FAF1: variants seen among roughly 807,000 people sequenced by gnomAD.
The protein encoded by FAF1 is FAS-associated factor 1.
Under a neutral mutation model 92.5 loss-of-function variants are expected in FAF1, and 25 were observed. The observed-to-expected ratio is 0.27, with a 90% CI of 0.20 to 0.38. FAF1 has a LOEUF of 0.38. Ranked by LOEUF, FAF1 falls within the 10% of genes least tolerant of loss-of-function variation. The pLI, the probability that FAF1 is intolerant of heterozygous loss-of-function variation, is 1.00. For synonymous variants in FAF1, 234 were observed against 273.2 expected, an observed-to-expected ratio of 0.86 and a Z score of 1.42; for missense variants, 636 against 793.3, an observed-to-expected ratio of 0.80 and a Z score of 2.38.
chr1:50,506,439 C>T (rs1647059188), intron 15 of FAF1, among the ~76,000 whole-genome samples: 1 of 152,142 alleles, frequency 6.6e-6, no homozygotes, highest in Non-Finnish European at 1.5e-5. Context: ...GGAATACTCT[C>T]CACCCCTTCT....
chr1:50,476,266 AT>A, intron 17 of FAF1, among the ~76,000 whole-genome samples: 1 of 152,242 alleles, frequency 6.6e-6, no homozygotes, highest in Non-Finnish European at 1.5e-5. Context: ...TACTGTATAT[AT>A]ATTTTGCCAC....
chr1:50,858,685 T>G (rs1339566638), intron 1 of FAF1, among the ~76,000 whole-genome samples: 1 of 151,928 alleles, frequency 6.6e-6, no homozygotes, highest in Non-Finnish European at 1.5e-5. Flanking sequence ...ACATTTCTTT[T>G]TACCCCTTTA....
At chr1:50,895,080 C>T (rs1644748085) in intron 1 of FAF1, among the ~76,000 whole-genome samples, 1 of 151,264 alleles carries the variant, frequency 6.6e-6, no homozygotes, top group South Asian at 2.1e-4. Context: ...TATAAAAGAT[C>T]AATGAAACTA....
intron 13 of FAF1, among the ~76,000 whole-genome samples, chr1:50,539,942 G>A (rs1240053871): frequency 2.0e-5 from 3 of 152,028 alleles, no homozygotes; most frequent in Non-Finnish European, 4.4e-5. Context: ...TACCCTAAAT[G>A]CTGTCTGGGG....
At chr1:50,722,236 A>C (rs1047674439) in intron 6 of FAF1, among the ~76,000 whole-genome samples, 1 of 152,202 alleles carries the variant, frequency 6.6e-6, no homozygotes, top group African/African-American at 2.4e-5. Flanking sequence ...TCATAAATGA[A>C]CTAGATTGAA....
At chr1:50,578,867 T>G (rs971852749) in intron 12 of FAF1, among the ~76,000 whole-genome samples, 2 of 152,138 alleles carry the variant, frequency 1.3e-5, no homozygotes, top group Non-Finnish European at 1.5e-5. Context: ...TTATCTCTCA[T>G]GGAGTTAAAC....
At chr1:50,489,716 G>GA (rs1251423695) in intron 17 of FAF1, among the ~76,000 whole-genome samples, 4 of 152,256 alleles carry the variant, frequency 2.6e-5, no homozygotes, top group East Asian at 1.9e-4. Flanking sequence ...TGAACTCATG[G>GA]AAAAAATCAA....
intron 7 of FAF1, among the ~76,000 whole-genome samples, chr1:50,699,921 A>C (rs907778385): frequency 6.6e-6 from 1 of 152,182 alleles, no homozygotes; most frequent in Non-Finnish European, 1.5e-5. Context: ...TAAAACACAA[A>C]GAGTTGAATA....
At chr1:50,463,248 AATT>A (rs1646454665) in intron 18 of FAF1, among the ~76,000 whole-genome samples, 2 of 152,244 alleles carry the variant, frequency 1.3e-5, no homozygotes, top group South Asian at 4.1e-4. Flanking sequence ...TGCTGGAGGT[AATT>A]AAACACGTCC....
intron 1 of FAF1, among the ~76,000 whole-genome samples, chr1:50,869,262 A>G (rs1425462342): frequency 6.6e-6 from 1 of 152,068 alleles, no homozygotes; most frequent in East Asian, 1.9e-4. Flanking sequence ...TTTATAGTAC[A>G]TTTCTTTTAG....
At chr1:50,547,350 T>G (rs538576665) in intron 13 of FAF1, among the ~76,000 whole-genome samples, 1 of 152,340 alleles carries the variant, frequency 6.6e-6, no homozygotes, top group African/African-American at 2.4e-5. Flanking sequence ...TGCCTGAGGC[T>G]TCCAGTAATA....
intron 1 of FAF1, chr1:50,959,527 C>T: frequency 3.2e-6 from 1 of 311,914 alleles, no homozygotes; most frequent in South Asian, 8.7e-5. Flanking sequence ...CATTGTAACC[C>T]AAGTCATTAA....
chr1:50,491,647 C>G, intron 16 of FAF1, 74 bp downstream of exon 16: 5 of 1,058,374 alleles, frequency 4.7e-6, no homozygotes, highest in Non-Finnish European at 7.1e-6. Context: ...TTTTAGGGAT[C>G]AAAGTGATAA....
chr1:50,859,451 C>T (rs2124667924), intron 1 of FAF1, among the ~76,000 whole-genome samples: 2 of 151,972 alleles, frequency 1.3e-5, no homozygotes, highest in South Asian at 4.1e-4. Context: ...AGTAGCATTT[C>T]TACACACCAA....
chr1:50,911,354 G>A (rs1202776622), intron 1 of FAF1, among the ~76,000 whole-genome samples: 2 of 151,214 alleles, frequency 1.3e-5, no homozygotes, highest in African/African-American at 4.9e-5. Context: ...TTACAGGTGT[G>A]AGCCACCACA....
rs142257992 is a variant in FAF1, at chr1:50,934,788, C to T, written c.45+24979G>A. On this transcript the variant is annotated intron_variant, in intron 1 of 18. Transcript: ENST00000396153. The stretch of plus-strand genomic sequence containing the variant: ...CTTTTGGTTTTGAAGGATAATTTTG[C>T]TGAATATAAAATTCTAGTTGATTTT... Among the ~76,000 whole-genome samples, 482 of 152,218 alleles carry T rather than the reference C, an allele frequency of 3.2e-3. 3 individuals are homozygous for T. Among genetic ancestry groups the T allele is most frequent in the Middle Eastern group, 6.8e-3 (2 of 294 alleles).
intron 1 of FAF1, 109 bp from the exon 2 acceptor site, chr1:50,858,106 A>C: frequency 1.5e-6 from 1 of 671,910 alleles, no homozygotes; most frequent in Non-Finnish European, 2.5e-6. Flanking sequence ...AAATAGGTAT[A>C]TGAATAAAGC....
chr1:50,468,916 T>A (rs1385034564), intron 18 of FAF1, among the ~76,000 whole-genome samples: 3 of 152,178 alleles, frequency 2.0e-5, no homozygotes, highest in Non-Finnish European at 4.4e-5. Flanking sequence ...ATTTAAAAAA[T>A]TTAAAACTTA....
chr1:50,527,681 A>G (rs1647885807), intron 15 of FAF1, among the ~76,000 whole-genome samples: 1 of 152,204 alleles, frequency 6.6e-6, no homozygotes, highest in East Asian at 1.9e-4. Flanking sequence ...GTTTCATCCA[A>G]CTGTAAAGTA....
Sources: gnomAD v4.1 joint callset for allele counts (sites outside exome capture counted in the v4.1 genomes callset) on GRCh38, gnomAD v4.1.1 for gene constraint, MANE v1.5 for transcripts, NCBI Gene and HGNC (gene_info 2026-07-23, HGNC 2026-07-21) for gene names.